The following GEM variants were observed in gnomAD, a reference collection of about 807,000 sequenced individuals.
GEM encodes GTP-binding protein GEM.
GEM carries 31 observed loss-of-function variants against 33.0 expected under a neutral mutation model. The ratio of observed to expected loss-of-function variants is 0.94; its 90% CI spans 0.71 to 1.27. GEM has a LOEUF of 1.27. Ranked by LOEUF, GEM falls within the 50% of genes most tolerant of loss-of-function variation. The pLI is 0.00. For synonymous variants in GEM, 141 were observed against 143.7 expected, an observed-to-expected ratio of 0.98 and a Z score of 0.13; for missense variants, 354 against 390.5, an observed-to-expected ratio of 0.91 and a Z score of 0.79.
Position 94,253,029 on chromosome 8 carries a change from T to G in GEM, c.408+7A>C. On this transcript the variant is annotated splice_region_variant and intron_variant, in intron 3 of 4. Transcript: ENST00000297596. Reference sequence around the variant, plus strand: ...AAGGAATTTAGAGAGCTACAGGCTCTGCATACCTTATTTTCCCACATATCC... The same window carrying G: ...AAGGAATTTAGAGAGCTACAGGCTCGGCATACCTTATTTTCCCACATATCC... 1 of 1,523,116 alleles carries G rather than the reference T, an allele frequency of 6.6e-7. No individual in the cohort carries two copies. Among genetic ancestry groups the G allele is most frequent in the Non-Finnish European group, 9.1e-7 (1 of 1,097,096 alleles). The allele number at this position is 1,523,116 out of a possible 1,614,324, so 94.4% of individuals were successfully genotyped here.
intron 1 of GEM, chr8:94,260,823 G>A (rs1809006674): frequency 4.0e-6 from 1 of 248,514 alleles, no homozygotes; most frequent in East Asian, 8.1e-5. Flanking sequence ...TTGGATGAAA[G>A]AAGAGCTGCA....
Position 94,249,307 on chromosome 8 carries a change from T to C in GEM, c.*1003A>G, listed in dbSNP as rs996946240. On this transcript the variant is annotated 3_prime_UTR_variant, in exon 5 of 5. Coordinates refer to ENST00000297596, the MANE Select transcript of GEM (RefSeq NM_005261.4). ...TAAGACATATAGGTAAAAACTTGCA[T>C]ATTTTGAAAAAGATAGAAAATGGTA... is the stretch of plus-strand genomic sequence containing the variant. 2 of 152,226 alleles carry C rather than the reference T, an allele frequency of 1.3e-5. No individual in the cohort carries two copies. Among genetic ancestry groups the C allele is most frequent in the African/African-American group, 2.4e-5 (1 of 41,462 alleles). 9.4% of individuals were successfully genotyped at this position (152,226 alleles called of 1,614,324 possible).
chr8:94,261,556 C>T (rs2470726), intron 1 of GEM, among the ~76,000 whole-genome samples: 85,555 of 151,490 alleles, frequency 0.56, 24,536 homozygotes, highest in Middle Eastern at 0.64. Context: ...GAGACAGTGG[C>T]CTCACTATGT....
chr8:94,257,404 A>T (rs940219677), intron 2 of GEM, among the ~76,000 whole-genome samples: 2 of 151,762 alleles, frequency 1.3e-5, no homozygotes, highest in African/African-American at 4.8e-5. Flanking sequence ...CTGGTCTTGG[A>T]CTCCTGACCT....
chr8:94,257,689 C>A (rs772419932), intron 2 of GEM, among the ~76,000 whole-genome samples: 86 of 152,292 alleles, frequency 5.6e-4, no homozygotes, highest in Non-Finnish European at 4.7e-4. Flanking sequence ...CCTCACCAAG[C>A]TCTGTGCTAT....
chr8:94,252,305 T>C (rs1053550960), intron 3 of GEM, 82 bp from the exon 4 acceptor site: 1 of 935,406 alleles, frequency 1.1e-6, no homozygotes, highest in African/African-American at 1.6e-5. Flanking sequence ...AATATGTGTA[T>C]CCTAAAGTAC....
intron 2 of GEM, among the ~76,000 whole-genome samples, chr8:94,253,933 A>T (rs1055631528): frequency 6.6e-6 from 1 of 152,018 alleles, no homozygotes; most frequent in Admixed American, 6.6e-5. Flanking sequence ...GCCCATCCCC[A>T]CTCTATTTTC....
At position 94,250,236 on chromosome 8, in the gene GEM, A is replaced by G; in HGVS notation, c.*74T>C. ...AAACCACATCTAACTTAAGTATTCA[A>G]TCTAATATAGATTATTGGTCCCAAT... On this transcript the variant is annotated 3_prime_UTR_variant, in exon 5 of 5. Coordinates refer to ENST00000297596, the MANE Select transcript of GEM (RefSeq NM_005261.4). 1 of 1,239,332 alleles carries G rather than the reference A, an allele frequency of 8.1e-7. No homozygotes were observed. Among genetic ancestry groups the G allele is most frequent in the Non-Finnish European group, 1.1e-6 (1 of 872,882 alleles). 76.8% of individuals were successfully genotyped at this position (1,239,332 alleles called of 1,614,324 possible).
chr8:94,261,629 C>T (rs1300555298), intron 1 of GEM, among the ~76,000 whole-genome samples: 2 of 152,194 alleles, frequency 1.3e-5, no homozygotes, highest in South Asian at 2.1e-4. Flanking sequence ...TCCGAAAGTG[C>T]TGAGATCACA....
chr8:94,261,246 C>T (rs1292392594), intron 1 of GEM, among the ~76,000 whole-genome samples: 2 of 152,186 alleles, frequency 1.3e-5, no homozygotes, highest in African/African-American at 2.4e-5. Flanking sequence ...CCTAGACACC[C>T]TGGCAGAGAA....
At position 94,260,407 on chromosome 8, in the gene GEM, C is replaced by A. The variant is rs1808995058; in HGVS notation, c.97G>T (p.Val33Phe). Residue 33 changes from valine (V) to phenylalanine (F), a missense_variant, in exon 2 of 5, where the codon GTC becomes TTC. Physicochemically the swap from Val to Phe is conservative, Grantham distance 50. Transcript: ENST00000297596. ...SIPADGRHLMVQKEPHQYSHR... is the reference protein window; with the variant it reads ...SIPADGRHLMFQKEPHQYSHR... ...CTGTACTGGTGGGGCTCTTTCTGGA[C>A]CATCAGATGCCTGCCATCAGCTGGG... The A allele has an allele frequency of 3.7e-6, 6 of 1,613,838 alleles. No individual in the cohort carries two copies. Among genetic ancestry groups the A allele is most frequent in the Non-Finnish European group, 5.1e-6 (6 of 1,179,950 alleles).
At position 94,253,073 on chromosome 8, in the gene GEM, C is replaced by T; in HGVS notation, c.371G>A (p.Ser124Asn). The change falls in exon 3 of 5, where the codon AGT becomes AAT. Residue 124 changes from serine (S) to asparagine (N), a missense_variant. Transcript: ENST00000297596. Reference protein sequence around the residue: ...YERTLMVDGESATIILLDMWE... With the variant: ...YERTLMVDGENATIILLDMWE... ...CATATCCAGGAGTATAATCGTTGCA[C>T]TTTCCCCATCAACCATCAGGGTTCG... 1 of 1,601,656 alleles carries T rather than the reference C, an allele frequency of 6.2e-7. No individual in the cohort carries two copies. The highest frequency in any genetic ancestry group is 8.6e-7 in the Non-Finnish European group (1 of 1,168,752).
intron 4 of GEM, among the ~76,000 whole-genome samples, chr8:94,251,112 A>G (rs1206408791): frequency 1.3e-5 from 2 of 152,228 alleles, no homozygotes; most frequent in South Asian, 2.1e-4. Flanking sequence ...AGTTTCCAGA[A>G]TTGGAAATAA....
chr8:94,251,998 T>C (rs1808778914), intron 4 of GEM, 21 bp downstream of exon 4: 1 of 1,564,746 alleles, frequency 6.4e-7, no homozygotes. Flanking sequence ...GTTTCTACAG[T>C]ATTGGCTCTG....
intron 2 of GEM, among the ~76,000 whole-genome samples, chr8:94,255,545 CT>C (rs2129764193): frequency 6.6e-6 from 1 of 152,330 alleles, no homozygotes; most frequent in South Asian, 2.1e-4. Flanking sequence ...AGGCTCTCCC[CT>C]AACCAGGTGC....
At chr8:94,258,041 G>T (rs890340304) in intron 2 of GEM, among the ~76,000 whole-genome samples, 3 of 151,970 alleles carry the variant, frequency 2.0e-5, no homozygotes, top group Non-Finnish European at 4.4e-5. Context: ...GCGGCCCCAG[G>T]ATCAGCCATA....
chr8:94,252,025 C>T lies in GEM; in HGVS notation c.607G>A (p.Val203Ile), dbSNP rs758453208. ...TTGGCTCTGCTCCTCTTACCTGATA[C>T]AGACACTTCTCGGCACCGCACTAAG... Reference protein sequence around the residue: ...SDLVRCREVSVSEGRACAVVF... With the variant: ...SDLVRCREVSISEGRACAVVF... Residue 203 changes from valine to isoleucine, a missense_variant, in exon 4 of 5, where the codon GTA becomes ATA. Val to Ile is a conservative substitution (Grantham distance 29). Transcript: ENST00000297596. The T allele has an allele frequency of 9.3e-6, 15 of 1,611,170 alleles. No individual in the cohort carries two copies. The East Asian group carries it at 3.3e-4, about 36-fold the overall frequency.
chr8:94,257,250 G>T (rs961560896), intron 2 of GEM, among the ~76,000 whole-genome samples: 2 of 151,388 alleles, frequency 1.3e-5, no homozygotes, highest in Non-Finnish European at 2.9e-5. Flanking sequence ...GTGAGATCTC[G>T]ACTCACTGCA....
intron 2 of GEM, among the ~76,000 whole-genome samples, chr8:94,256,074 GA>G (rs1470996000): frequency 6.6e-6 from 1 of 152,066 alleles, no homozygotes; most frequent in Non-Finnish European, 1.5e-5. Context: ...AGTTTAGTGA[GA>G]ATCCCCCACC....
Sources: gnomAD v4.1 joint callset for allele counts (sites outside exome capture counted in the v4.1 genomes callset) on GRCh38, gnomAD v4.1.1 for gene constraint, MANE v1.5 for transcripts, NCBI Gene and HGNC (gene_info 2026-07-23, HGNC 2026-07-21) for gene names.